The following TSHZ2 variants were observed in gnomAD, a reference collection of about 807,000 sequenced individuals.
The protein encoded by TSHZ2 is teashirt zinc finger homeobox 2.
A neutral mutation model predicts 74.4 loss-of-function variants in TSHZ2; 21 were observed. The ratio of observed to expected loss-of-function variants is 0.28; its 90% CI spans 0.20 to 0.41. The LOEUF is 0.41. TSHZ2 is among the 10% of genes least tolerant of loss of function. The pLI is 1.00. For synonymous variants in TSHZ2, 540 were observed against 515.3 expected (o/e 1.05, Z -0.65); for missense variants, 1,244 against 1,293.5 (o/e 0.96, Z 0.59).
At chr20:53,409,664 T>A (rs1179361458) in intron 2 of TSHZ2, among the ~76,000 whole-genome samples, 1 of 152,074 alleles carries the variant, frequency 6.6e-6, no homozygotes, top group Non-Finnish European at 1.5e-5. Flanking sequence ...AATTCTTTCA[T>A]GAAGATGAGA....
intron 1 of TSHZ2, among the ~76,000 whole-genome samples, chr20:53,112,537 GTTTGTT>G (rs1986562706): frequency 6.6e-6 from 1 of 151,958 alleles, no homozygotes; most frequent in Non-Finnish European, 1.5e-5. Flanking sequence ...TTGGTTTTTT[GTTTGTT>G]TTTGAGACAG....
chr20:53,337,666 G>A (rs75776705), intron 2 of TSHZ2, among the ~76,000 whole-genome samples: 111 of 152,278 alleles, frequency 7.3e-4, no homozygotes, highest in African/African-American at 2.2e-3. Context: ...GCTCAGATTC[G>A]ATTCTTGTTA....
chr20:53,415,903 C>T (rs1165344766), intron 2 of TSHZ2, among the ~76,000 whole-genome samples: 1 of 151,982 alleles, frequency 6.6e-6, no homozygotes, highest in African/African-American at 2.4e-5. Context: ...CTGTTATTTC[C>T]CCCTTTTCTT....
At chr20:53,000,355 T>C (rs532065468) in intron 1 of TSHZ2, among the ~76,000 whole-genome samples, 1 of 152,214 alleles carries the variant, frequency 6.6e-6, no homozygotes, top group African/African-American at 2.4e-5. Context: ...GTTTGCTGGC[T>C]TCTGCCCTAG....
At chr20:53,322,649 C>A (rs1979319913) in intron 2 of TSHZ2, among the ~76,000 whole-genome samples, 1 of 152,224 alleles carries the variant, frequency 6.6e-6, no homozygotes. Context: ...AAGCCCCTGA[C>A]CAGTGACTAT....
rs530897355 is a variant in TSHZ2, at chr20:52,999,090, T to A, written c.40+25757T>A. Reference sequence around the variant, plus strand: ...AATGATGGCAGAGCTGAAAACCACGTTCTACTCTTCACTGCCACATTCCAC... The same window carrying A: ...AATGATGGCAGAGCTGAAAACCACGATCTACTCTTCACTGCCACATTCCAC... On this transcript the variant is annotated intron_variant, in intron 1 of 2. Transcript: ENST00000371497. Among the ~76,000 whole-genome samples, 724 of 145,630 alleles carry A rather than the reference T, an allele frequency of 5.0e-3. 11 individuals are homozygous for A. Among genetic ancestry groups the A allele is most frequent in the African/African-American group, 0.019 (690 of 35,414 alleles).
At chr20:53,422,003 A>G (rs1347715361) in intron 2 of TSHZ2, among the ~76,000 whole-genome samples, 1 of 152,094 alleles carries the variant, frequency 6.6e-6, no homozygotes, top group Non-Finnish European at 1.5e-5. Flanking sequence ...TATCTTAACC[A>G]GCAGACCACT....
At chr20:53,010,433 A>G (rs376549593) in intron 1 of TSHZ2, among the ~76,000 whole-genome samples, 8 of 152,306 alleles carry the variant, frequency 5.3e-5, no homozygotes, top group East Asian at 3.9e-4. Context: ...TGGCACTAGT[A>G]ACTCAGAGTG....
intron 2 of TSHZ2, among the ~76,000 whole-genome samples, chr20:53,340,136 C>CAATGCAGG (rs1980122969): frequency 6.6e-6 from 1 of 150,780 alleles, no homozygotes; most frequent in South Asian, 2.1e-4. Context: ...GAAGAGCAGC[C>CAATGCAGG]AATGCAGGAA....
chr20:53,072,995 ATCCC>A (rs1159772828), intron 1 of TSHZ2, among the ~76,000 whole-genome samples: 1 of 145,890 alleles, frequency 6.9e-6, no homozygotes, highest in Non-Finnish European at 1.5e-5. Context: ...CCCTTCATCC[ATCCC>A]TCCCTCCATC....
intron 1 of TSHZ2, among the ~76,000 whole-genome samples, chr20:53,051,168 G>A (rs1466036068): frequency 3.3e-5 from 5 of 152,074 alleles, no homozygotes; most frequent in Admixed American, 6.5e-5. Context: ...GTGAAACTCC[G>A]TCTCCACTAA....
chr20:53,044,607 C>G (rs1984158682), intron 1 of TSHZ2, among the ~76,000 whole-genome samples: 1 of 152,218 alleles, frequency 6.6e-6, no homozygotes, highest in Non-Finnish European at 1.5e-5. Context: ...GCACCCCCTT[C>G]ACCAACTCTG....
At chr20:53,345,640 C>G (rs577389510) in intron 2 of TSHZ2, among the ~76,000 whole-genome samples, 1 of 152,002 alleles carries the variant, frequency 6.6e-6, no homozygotes, top group Non-Finnish European at 1.5e-5. Flanking sequence ...TAGAGTTTGC[C>G]GAGTGCACAT....
At chr20:53,343,490 C>T (rs978265379) in intron 2 of TSHZ2, among the ~76,000 whole-genome samples, 2 of 152,210 alleles carry the variant, frequency 1.3e-5, no homozygotes, top group African/African-American at 2.4e-5. Context: ...ATCCCAGGCA[C>T]TAACATTCCG....
intron 2 of TSHZ2, among the ~76,000 whole-genome samples, chr20:53,334,495 G>A (rs547900019): frequency 1.3e-5 from 2 of 152,234 alleles, no homozygotes; most frequent in East Asian, 3.9e-4. Context: ...GAAGCAGGAT[G>A]GGGGAGGCAG....
intron 2 of TSHZ2, among the ~76,000 whole-genome samples, chr20:53,434,847 C>T (rs370060835): frequency 4.4e-4 from 67 of 152,362 alleles, no homozygotes; most frequent in African/African-American, 1.6e-3. Flanking sequence ...GCCGAGAGCA[C>T]GCGGATCTGG....
chr20:53,260,089 C>CCCTCCCTGCATTCCTTT (rs1389994580), intron 2 of TSHZ2, among the ~76,000 whole-genome samples: 2 of 152,064 alleles, frequency 1.3e-5, no homozygotes, highest in South Asian at 4.2e-4. Context: ...TTCTTTTCTT[C>CCCTCCCTGCATTCCTTT]CCTCCCTGCA....
At chr20:53,199,801 C>T (rs966005923) in intron 1 of TSHZ2, among the ~76,000 whole-genome samples, 1 of 152,170 alleles carries the variant, frequency 6.6e-6, no homozygotes, top group Non-Finnish European at 1.5e-5. Flanking sequence ...GGGCAGGAAG[C>T]GTGTGAGCCA....
intron 2 of TSHZ2, among the ~76,000 whole-genome samples, chr20:53,468,058 A>T (rs1439351689): frequency 6.6e-6 from 1 of 152,188 alleles, no homozygotes; most frequent in Non-Finnish European, 1.5e-5. Context: ...TTTACTTAAC[A>T]CTGGGCTCCA....
Sources: allele counts gnomAD v4.1 joint callset (sites outside exome capture counted in the v4.1 genomes callset), GRCh38; gene constraint gnomAD v4.1.1; transcripts MANE v1.5; gene names NCBI Gene and HGNC (gene_info 2026-07-23, HGNC 2026-07-21).